The following NCOA2 variants were observed in gnomAD, a reference collection of about 807,000 sequenced individuals.
NCOA2 encodes class E basic helix-loop-helix protein 75.
NCOA2 carries 21 observed loss-of-function variants against 145.1 expected under a neutral mutation model. That is an observed-to-expected ratio of 0.14 (90% CI 0.10 to 0.21). The LOEUF (loss-of-function observed/expected upper bound fraction) is 0.21, where lower values mean the gene tolerates loss of function less well. NCOA2 is among the 10% of genes least tolerant of loss of function. The probability of loss-of-function intolerance (pLI) is 1.00; values close to 1 mark genes in which losing one functional copy is unlikely to be tolerated. For synonymous variants in NCOA2, 619 were observed against 637.5 expected, an observed-to-expected ratio of 0.97 and a Z score of 0.44; for missense variants, 1,472 against 1,837.6, an observed-to-expected ratio of 0.80 and a Z score of 3.64.
At chr8:70,445,310 G>C in the NCOA2 span, among the ~76,000 whole-genome samples, 3 of 152,128 alleles carry the variant, frequency 2.0e-5, no homozygotes, top group Non-Finnish European at 4.4e-5. Context: ...TGCCACGTGG[G>C]GAAAGGCTTG....
At chr8:70,379,257 C>T (rs1811963952) in intron 1 of NCOA2, among the ~76,000 whole-genome samples, 1 of 152,162 alleles carries the variant, frequency 6.6e-6, no homozygotes, top group Admixed American at 6.5e-5. Flanking sequence ...TATACCCACC[C>T]TCCAATCTAG....
intron 2 of NCOA2, among the ~76,000 whole-genome samples, chr8:70,219,208 T>G (rs771599522): frequency 2.0e-5 from 3 of 152,204 alleles, no homozygotes; most frequent in Non-Finnish European, 2.9e-5. Context: ...TATAATTTGC[T>G]TGTACCTACT....
intron 2 of NCOA2, among the ~76,000 whole-genome samples, chr8:70,289,922 C>T (rs530170487): frequency 3.9e-5 from 6 of 152,210 alleles, no homozygotes; most frequent in African/African-American, 1.2e-4. Context: ...CAGCCTCCAA[C>T]TCTTGGGCTC....
chr8:70,273,513 A>G (rs1194283427), intron 2 of NCOA2: 2 of 676,194 alleles, frequency 3.0e-6, no homozygotes, highest in Non-Finnish European at 5.2e-6. Flanking sequence ...TCCTTAAAGA[A>G]GTTAGAAATC....
chr8:70,233,399 ACTG>A (rs1448459727), intron 2 of NCOA2, among the ~76,000 whole-genome samples: 1 of 152,234 alleles, frequency 6.6e-6, no homozygotes, highest in East Asian at 1.9e-4. Context: ...GTCAGGTTTT[ACTG>A]CCAAATGAAT....
chr8:70,447,296 T>A, the NCOA2 span, among the ~76,000 whole-genome samples: 41 of 152,160 alleles, frequency 2.7e-4, no homozygotes, highest in African/African-American at 9.9e-4. Context: ...GAGCACACAA[T>A]AGCTGGATTG....
At chr8:70,296,623 A>C (rs1827109125) in intron 2 of NCOA2, 121 bp downstream of exon 2, 1 of 152,200 alleles carries the variant, frequency 6.6e-6, no homozygotes, top group Non-Finnish European at 1.5e-5. Flanking sequence ...AGACAAATAT[A>C]CAGTTTATTG....
chr8:70,351,620 C>G (rs1374273904), intron 1 of NCOA2, among the ~76,000 whole-genome samples: 2 of 144,302 alleles, frequency 1.4e-5, no homozygotes, highest in African/African-American at 5.2e-5. Context: ...TAAAGTCTTG[C>G]TCTGTCACCC....
At chr8:70,305,713 A>G (rs1328915529) in intron 1 of NCOA2, among the ~76,000 whole-genome samples, 1 of 152,244 alleles carries the variant, frequency 6.6e-6, no homozygotes, top group Non-Finnish European at 1.5e-5. Flanking sequence ...TCATAGCCAT[A>G]ATGTTTTAAT....
chr8:70,163,400 T>C (rs1053324472), intron 8 of NCOA2, 65 bp downstream of exon 8: 3 of 1,182,820 alleles, frequency 2.5e-6, no homozygotes, highest in Non-Finnish European at 3.7e-6. Flanking sequence ...ATAGAGTCCT[T>C]GCATTCCCAA....
intron 1 of NCOA2, among the ~76,000 whole-genome samples, chr8:70,336,113 T>G (rs1807564877): frequency 6.6e-6 from 1 of 152,166 alleles, no homozygotes; most frequent in African/African-American, 2.4e-5. Flanking sequence ...CAGGGATACC[T>G]ATGACATTAC....
At chr8:70,413,154 A>C in the NCOA2 span, among the ~76,000 whole-genome samples, 1 of 152,054 alleles carries the variant, frequency 6.6e-6, no homozygotes, top group African/African-American at 2.4e-5. Flanking sequence ...CTAAACCGGT[A>C]TCTGAATGCA....
At chr8:70,120,702 C>A (rs1325065263) in intron 22 of NCOA2, among the ~76,000 whole-genome samples, 3 of 151,936 alleles carry the variant, frequency 2.0e-5, no homozygotes, top group Non-Finnish European at 4.4e-5. Context: ...GCCTGGGCAA[C>A]AAAGCAAGAC....
chr8:70,386,728 T>G (rs983945229), intron 1 of NCOA2, among the ~76,000 whole-genome samples: 1 of 152,194 alleles, frequency 6.6e-6, no homozygotes, highest in Non-Finnish European at 1.5e-5. Flanking sequence ...TAAAATCATC[T>G]AATTCATTCT....
the NCOA2 span, among the ~76,000 whole-genome samples, chr8:70,452,724 G>C: frequency 0.23 from 35,072 of 150,432 alleles, 4,314 homozygotes; most frequent in Admixed American, 0.36. Context: ...TTTTAAAATT[G>C]CAAAAAGAAA....
the NCOA2 span, among the ~76,000 whole-genome samples, chr8:70,438,742 G>A: frequency 6.6e-6 from 1 of 152,132 alleles, no homozygotes; most frequent in Non-Finnish European, 1.5e-5. Context: ...AAATAACACT[G>A]GCTTCCAGTA....
At chr8:70,322,080 C>A (rs1806128456) in intron 1 of NCOA2, among the ~76,000 whole-genome samples, 1 of 151,770 alleles carries the variant, frequency 6.6e-6, no homozygotes, top group African/African-American at 2.4e-5. Flanking sequence ...TATGCCATTG[C>A]ACTCCAGCCT....
chr8:70,444,306 T>A, the NCOA2 span, among the ~76,000 whole-genome samples: 1 of 152,266 alleles, frequency 6.6e-6, no homozygotes, highest in East Asian at 1.9e-4. Flanking sequence ...ATTACAGAGA[T>A]GGAAAACAGA....
At chr8:70,353,594 T>C (rs975027200) in intron 1 of NCOA2, among the ~76,000 whole-genome samples, 27 of 151,674 alleles carry the variant, frequency 1.8e-4, no homozygotes, top group African/African-American at 5.8e-4. Flanking sequence ...GCCAAAGTCA[T>C]ACACATCTTT....
Sources: gnomAD v4.1 joint callset for allele counts (sites outside exome capture counted in the v4.1 genomes callset) on GRCh38, gnomAD v4.1.1 for gene constraint, MANE v1.5 for transcripts, NCBI Gene and HGNC (gene_info 2026-07-23, HGNC 2026-07-21) for gene names.